The following ITPR2 variants were observed in gnomAD, a reference collection of about 807,000 sequenced individuals.
ITPR2 encodes inositol 1,4,5-trisphosphate receptor type 2.
ITPR2 carries 207 observed loss-of-function variants against 317.1 expected under a neutral mutation model. The observed-to-expected ratio is 0.65, with a 90% CI of 0.58 to 0.73. ITPR2 has a LOEUF of 0.73. Among genes scored for constraint, ITPR2 ranks in the 30% least tolerant of loss-of-function variants. The pLI is 0.00. For missense variants in ITPR2, 2,613 were observed against 3,284.0 expected, an observed-to-expected ratio of 0.80 and a Z score of 4.99; for synonymous variants, 1,156 against 1,149.1, an observed-to-expected ratio of 1.01 and a Z score of -0.12.
intron 1 of ITPR2, among the ~76,000 whole-genome samples, chr12:26,814,833 C>T (rs1446362320): frequency 6.6e-6 from 1 of 152,076 alleles, no homozygotes; most frequent in Non-Finnish European, 1.5e-5. Context: ...AAATAAAATA[C>T]ACTCTTTATA....
intron 55 of ITPR2, among the ~76,000 whole-genome samples, chr12:26,380,991 G>A (rs928636186): frequency 6.6e-6 from 1 of 152,132 alleles, no homozygotes; most frequent in Non-Finnish European, 1.5e-5. Context: ...TCATGGCAAG[G>A]AGGAATTCAT....
chr12:26,347,985 G>T (rs1938360073), intron 55 of ITPR2, among the ~76,000 whole-genome samples: 1 of 152,200 alleles, frequency 6.6e-6, no homozygotes, highest in Non-Finnish European at 1.5e-5. Context: ...TGATGGCTAT[G>T]CTTAGAATGT....
intron 41 of ITPR2, among the ~76,000 whole-genome samples, chr12:26,484,192 T>G (rs7137387): frequency 0.018 from 2,746 of 151,178 alleles, 38 homozygotes; most frequent in Non-Finnish European, 0.029. Context: ...TATATCAAGA[T>G]AGTTCATAAT....
In ITPR2 at chr12:26,544,383, T is replaced by C. The variant is rs77443494; in HGVS notation, c.5073+5864A>G. 9.5e-3 allele frequency among the ~76,000 whole-genome samples: 1,445 copies of C among 152,238 alleles called. 25 individuals carry two copies. Among genetic ancestry groups the C allele is most frequent in the African/African-American group, 0.033 (1,388 of 41,530 alleles). ...TAATTGACCAGTAGGTAAAATCTAA[T>C]TACATTTAGTTACATTAAATATCCT... On this transcript the variant is annotated intron_variant, in intron 37 of 56. Coordinates refer to ENST00000381340, the MANE Select transcript of ITPR2 (RefSeq NM_002223.4).
chr12:26,411,195 T>C, intron 52 of ITPR2, 125 bp downstream of exon 52: 1 of 643,840 alleles, frequency 1.6e-6, no homozygotes, highest in Non-Finnish European at 2.7e-6. Flanking sequence ...GTTCTTTTAC[T>C]CTCTATTCTT....
At chr12:26,486,437 A>C (rs1244876879) in intron 40 of ITPR2, 77 bp from the exon 41 acceptor site, 1 of 1,136,538 alleles carries the variant, frequency 8.8e-7, no homozygotes, top group South Asian at 1.6e-5. Context: ...CAAACCAGGT[A>C]CCCAAATTCT....
At chr12:26,763,848 A>T (rs1949676844) in intron 2 of ITPR2, among the ~76,000 whole-genome samples, 1 of 152,124 alleles carries the variant, frequency 6.6e-6, no homozygotes, top group Non-Finnish European at 1.5e-5. Flanking sequence ...AGATCTTTAC[A>T]TCTAGCCTCT....
At chr12:26,477,656 T>C (rs1942450194) in intron 43 of ITPR2, among the ~76,000 whole-genome samples, 1 of 152,160 alleles carries the variant, frequency 6.6e-6, no homozygotes, top group Non-Finnish European at 1.5e-5. Context: ...AAATAGCTTA[T>C]GTTGTCTTTG....
At chr12:26,590,527 GTC>G (rs1467759650) in intron 32 of ITPR2, among the ~76,000 whole-genome samples, 2 of 152,194 alleles carry the variant, frequency 1.3e-5, no homozygotes, top group African/African-American at 4.8e-5. Context: ...GGAAAAGACA[GTC>G]TCTTCAATAA....
intron 45 of ITPR2, among the ~76,000 whole-genome samples, chr12:26,461,230 T>C (rs1942011771): frequency 6.6e-6 from 1 of 152,042 alleles, no homozygotes; most frequent in Non-Finnish European, 1.5e-5. Context: ...ACACTATAAA[T>C]ATAAGCATGA....
At chr12:26,775,961 C>CATATATATATA (rs1555189746) in intron 2 of ITPR2, among the ~76,000 whole-genome samples, 14 of 65,712 alleles carry the variant, frequency 2.1e-4, no homozygotes, top group Non-Finnish European at 3.9e-4. Context: ...TATGTATATC[C>CATATATATATA]TATTAGTTCT....
intron 1 of ITPR2, among the ~76,000 whole-genome samples, chr12:26,794,817 A>T (rs933997702): frequency 1.3e-5 from 2 of 152,118 alleles, no homozygotes; most frequent in African/African-American, 4.8e-5. Flanking sequence ...ACAGCTCAAG[A>T]GCAAAGCCAA....
chr12:26,666,187 G>T (rs1016087649), intron 13 of ITPR2, 136 bp from the exon 14 acceptor site: 11 of 226,736 alleles, frequency 4.9e-5, no homozygotes, highest in Admixed American at 1.9e-4. Context: ...TTCTTCAGGA[G>T]TGGAACTCAA....
intron 51 of ITPR2, 119 bp from the exon 52 acceptor site, chr12:26,411,531 C>T: frequency 1.5e-6 from 1 of 673,542 alleles, no homozygotes; most frequent in South Asian, 2.0e-5. Flanking sequence ...AGCTGTGTTC[C>T]TAAAGTCCTA....
At chr12:26,550,711 T>G (rs1382926341) in intron 36 of ITPR2, among the ~76,000 whole-genome samples, 1 of 151,806 alleles carries the variant, frequency 6.6e-6, no homozygotes, top group African/African-American at 2.4e-5. Context: ...TTACATTTTA[T>G]TATGTTATAC....
At chr12:26,442,613 T>C (rs1312651016) in intron 46 of ITPR2, among the ~76,000 whole-genome samples, 2 of 152,170 alleles carry the variant, frequency 1.3e-5, no homozygotes, top group African/African-American at 2.4e-5. Context: ...TCTATTTGTA[T>C]AGAAATGTTT....
chr12:26,581,085 T>C (rs952786818), intron 32 of ITPR2, among the ~76,000 whole-genome samples: 6 of 152,304 alleles, frequency 3.9e-5, no homozygotes, highest in African/African-American at 1.4e-4. Context: ...GGTGGCCAGA[T>C]GTTCCAGATG....
chr12:26,715,522 GC>G (rs1948724246), intron 7 of ITPR2, 77 bp from the exon 8 acceptor site: 3 of 1,286,018 alleles, frequency 2.3e-6, no homozygotes, highest in Non-Finnish European at 3.3e-6. Flanking sequence ...GCTACTCTGG[GC>G]CCTTCTACTA....
Position 26,608,959 on chromosome 12 carries a change from T to C in ITPR2, c.3463-6253A>G, listed in dbSNP as rs865786953. ...TGGCATTTGGTCAACAGAAAAGCAC[T>C]GTACAGGAAGTGAAAACAGCAACAT... On this transcript the variant is annotated intron_variant, in intron 26 of 56. Coordinates refer to ENST00000381340, the MANE Select transcript of ITPR2 (RefSeq NM_002223.4). Among the ~76,000 whole-genome samples the C allele has an allele frequency of 5.9e-5, 9 of 152,206 alleles. No homozygotes were observed. The Middle Eastern group carries it at 0.01, about 173-fold the overall frequency.
Sources: allele counts gnomAD v4.1 joint callset (sites outside exome capture counted in the v4.1 genomes callset), GRCh38; gene constraint gnomAD v4.1.1; transcripts MANE v1.5; gene names NCBI Gene and HGNC (gene_info 2026-07-23, HGNC 2026-07-21).